Variants in VTCN1 observed in about 807,000 individuals in gnomAD.
The protein encoded by VTCN1 is V-set domain containing T cell activation inhibitor 1, also known as V-set domain-containing T-cell activation inhibitor 1.
A neutral mutation model predicts 26.5 loss-of-function variants in VTCN1; 26 were observed. The observed-to-expected ratio is 0.98, with a 90% CI of 0.72 to 1.36. The LOEUF is 1.36. VTCN1 is among the 40% of genes most tolerant of loss of function. The pLI is 0.00. For synonymous variants in VTCN1, 116 were observed against 130.7 expected, an observed-to-expected ratio of 0.89 and a Z score of 0.77; for missense variants, 298 against 337.7, an observed-to-expected ratio of 0.88 and a Z score of 0.92.
intron 1 of VTCN1, among the ~76,000 whole-genome samples, chr1:117,181,783 CCCTGTG>C (rs1264419693): frequency 1.3e-5 from 2 of 152,124 alleles, no homozygotes; most frequent in East Asian, 3.9e-4. Flanking sequence ...AGGGCAGGCT[CCCTGTG>C]AGGGACGTGC....
chr1:117,173,743 G>A (rs1159657023), intron 1 of VTCN1, among the ~76,000 whole-genome samples: 2 of 152,216 alleles, frequency 1.3e-5, no homozygotes, highest in African/African-American at 2.4e-5. Flanking sequence ...ATTGCTGTAA[G>A]TTTATTATTA....
intron 2 of VTCN1, among the ~76,000 whole-genome samples, chr1:117,166,894 C>G (rs1036378427): frequency 1.3e-5 from 2 of 151,020 alleles, no homozygotes; most frequent in Non-Finnish European, 2.9e-5. Context: ...GAGTTCGAGA[C>G]CAGTCTGGCT....
chr1:117,175,698 C>T lies in VTCN1; in HGVS notation c.33-5527G>A, dbSNP rs1263440541. On this transcript the variant is annotated intron_variant, in intron 1 of 5. Coordinates refer to ENST00000369458, the MANE Select transcript of VTCN1 (RefSeq NM_024626.4). This position sits in a 1 kb window ranked among gnomAD's most constrained non-coding sequence, Gnocchi z 4.2. ...GATGCTATAGAAACATATACTGCAG[C>T]GGACAGGCTGTATTACTGTATCACA... Among the ~76,000 whole-genome samples, 4 of 151,628 alleles carry T rather than the reference C, an allele frequency of 2.6e-5. No homozygotes were observed. The highest frequency in any genetic ancestry group is 6.6e-5 in the Admixed American group (1 of 15,226).
chr1:117,197,105 T>C (rs1488774224), intron 1 of VTCN1, among the ~76,000 whole-genome samples: 1 of 152,202 alleles, frequency 6.6e-6, no homozygotes, highest in African/African-American at 2.4e-5. Context: ...CCTCAGAAAA[T>C]CATCGTTTAC....
intron 1 of VTCN1, among the ~76,000 whole-genome samples, chr1:117,191,589 C>A (rs1005174919): frequency 6.6e-6 from 1 of 152,166 alleles, no homozygotes; most frequent in African/African-American, 2.4e-5. Context: ...TTGAGACCAG[C>A]CTGACCAACA....
intron 1 of VTCN1, among the ~76,000 whole-genome samples, chr1:117,192,758 A>T (rs1648306696): frequency 6.6e-6 from 1 of 152,154 alleles, no homozygotes; most frequent in Non-Finnish European, 1.5e-5. Flanking sequence ...CTCAAAAAAA[A>T]TTCTAGTAGA....
Position 117,175,124 on chromosome 1 carries a change from GC to G in VTCN1, c.33-4954del, listed in dbSNP as rs561723420. On this transcript the variant is annotated intron_variant, in intron 1 of 5. Transcript: ENST00000369458. The surrounding 1 kb of genome is among the most constrained non-coding windows in gnomAD (Gnocchi z 4.2). The stretch of plus-strand genomic sequence containing the variant: ...TTCTGCAGCATGTGAAAGAAATTGG[GC>G]CTTTGTTAAAACATATGCACATTCC... 8.5e-4 allele frequency among the ~76,000 whole-genome samples: 129 copies of G among 152,292 alleles called. No individual in the cohort carries two copies. Among genetic ancestry groups the G allele is most frequent in the African/African-American group, 2.9e-3 (121 of 41,558 alleles).
intron 1 of VTCN1, among the ~76,000 whole-genome samples, chr1:117,177,107 C>CA (rs1240843302): frequency 3.3e-5 from 5 of 150,996 alleles, no homozygotes; most frequent in African/African-American, 9.7e-5. Context: ...TCAAAAAAAC[C>CA]AAAAAAACAA....
At chr1:117,157,003 C>G (rs6690933) in intron 2 of VTCN1, 82 bp from the exon 3 acceptor site, 2 of 1,607,292 alleles carry the variant, frequency 1.2e-6, no homozygotes, top group Non-Finnish European at 1.7e-6. Context: ...GAAAGCCAGA[C>G]AGAGACTTCT....
intron 1 of VTCN1, among the ~76,000 whole-genome samples, chr1:117,196,594 CTT>C (rs1390119070): frequency 6.9e-6 from 1 of 144,356 alleles, no homozygotes; most frequent in African/African-American, 2.5e-5. Context: ...AAAACTCTGC[CTT>C]TTTTTTTTTA....
chr1:117,195,546 C>G (rs1648466944), intron 1 of VTCN1, among the ~76,000 whole-genome samples: 1 of 151,986 alleles, frequency 6.6e-6, no homozygotes, highest in African/African-American at 2.4e-5. Flanking sequence ...GAAAGAAAAC[C>G]TCAAATATTG....
At chr1:117,203,569 G>GCA in intron 1 of VTCN1, 1 of 975,320 alleles carries the variant, frequency 1.0e-6, no homozygotes, top group Non-Finnish European at 1.2e-6. Flanking sequence ...CAGATGGTTT[G>GCA]GGATTGTGAA....
chr1:117,162,149 TCCC>T (rs1652399373), intron 2 of VTCN1, among the ~76,000 whole-genome samples: 1 of 151,606 alleles, frequency 6.6e-6, no homozygotes, highest in African/African-American at 2.4e-5. Flanking sequence ...GTTGATTAAA[TCCC>T]CTCCACCCCA....
chr1:117,153,414 C>G, intron 3 of VTCN1, 45 bp from the exon 4 acceptor site: 1 of 1,557,666 alleles, frequency 6.4e-7, no homozygotes, highest in Non-Finnish European at 8.7e-7. Flanking sequence ...AAGTCAGACA[C>G]GTAAGACAAT....
At chr1:117,153,826 C>T (rs1350225271) in intron 3 of VTCN1, among the ~76,000 whole-genome samples, 2 of 152,100 alleles carry the variant, frequency 1.3e-5, no homozygotes, top group Non-Finnish European at 2.9e-5. Context: ...CATCTATCAC[C>T]CACAGAAATT....
rs1004635145 is a variant in VTCN1 at position 117,147,153 on chromosome 1, G to C, written c.*45+460C>G. On this transcript the variant is annotated intron_variant, in intron 5 of 5. Coordinates refer to ENST00000369458, the MANE Select transcript of VTCN1 (RefSeq NM_024626.4). The surrounding 1 kb of genome is among the most constrained non-coding windows in gnomAD (Gnocchi z 4.6). ...TATCCTAACAATAATTGGAGCCAGA[G>C]GACTGAAGTGAGAAGGAAATCTCAG... is the stretch of plus-strand genomic sequence containing the variant. Among the ~76,000 whole-genome samples, 2 of 152,124 alleles carry C rather than the reference G, an allele frequency of 1.3e-5. No homozygotes were observed. The highest frequency in any genetic ancestry group is 4.8e-5 in the African/African-American group (2 of 41,432).
In VTCN1 at chr1:117,210,888, T is replaced by C. The variant is rs1371692002; in HGVS notation, c.-33A>G. The stretch of plus-strand genomic sequence containing the variant: ...GAAGGTTCCCAGCGTATCTGGGTAC[T>C]GGCTGAGTGGAGCTGCCGCTGCCTT... On this transcript the variant is annotated 5_prime_UTR_variant, in exon 1 of 6. Transcript: ENST00000369458. The C allele has an allele frequency of 6.2e-7, 1 of 1,613,470 alleles. No individual in the cohort carries two copies. Among genetic ancestry groups the C allele is most frequent in the Non-Finnish European group, 8.5e-7 (1 of 1,179,604 alleles).
At chr1:117,151,351 C>G (rs1247567271) in intron 4 of VTCN1, among the ~76,000 whole-genome samples, 1 of 152,134 alleles carries the variant, frequency 6.6e-6, no homozygotes, top group Non-Finnish European at 1.5e-5. Flanking sequence ...AGCTGCAGAC[C>G]TTCGCAGTGA....
At chr1:117,165,166 C>G (rs1652548993) in intron 2 of VTCN1, among the ~76,000 whole-genome samples, 1 of 152,074 alleles carries the variant, frequency 6.6e-6, no homozygotes, top group Non-Finnish European at 1.5e-5. Flanking sequence ...GTTCGGGAAA[C>G]AAATTCCCAA....
Sources: gnomAD v4.1 joint callset for allele counts (sites outside exome capture counted in the v4.1 genomes callset) on GRCh38, gnomAD v4.1.1 for gene constraint, Gnocchi (gnomAD v3.1) non-coding constraint, MANE v1.5 for transcripts, NCBI Gene and HGNC (gene_info 2026-07-23, HGNC 2026-07-21) for gene names.